SORCS1: variants seen among roughly 807,000 people sequenced by gnomAD.
SORCS1 encodes VPS10 domain-containing receptor SorCS1.
SORCS1 carries 60 observed loss-of-function variants against 146.1 expected under a neutral mutation model. The observed-to-expected ratio is 0.41, with a 90% confidence interval of 0.33 to 0.51. The LOEUF (loss-of-function observed/expected upper bound fraction) is 0.51. Among genes scored for constraint, SORCS1 ranks in the 20% least tolerant of loss-of-function variants. SORCS1 has a pLI of 0.21. For missense variants in SORCS1, 1,352 were observed against 1,487.6 expected (o/e 0.91, Z 1.50); for synonymous variants, 637 against 584.0 (o/e 1.09, Z -1.31).
intron 2 of SORCS1, among the ~76,000 whole-genome samples, chr10:106,915,770 T>A (rs771086665): frequency 3.9e-5 from 6 of 152,208 alleles, no homozygotes; most frequent in Non-Finnish European, 7.3e-5. Flanking sequence ...CTTCCAATAA[T>A]GTATTGCCCC....
Position 106,972,876 on chromosome 10 carries a change from T to C in SORCS1, c.559-16296A>G, listed in dbSNP as rs1317183251. Among the ~76,000 whole-genome samples the C allele has an allele frequency of 2.6e-5, 4 of 152,330 alleles. No individual in the cohort carries two copies. The East Asian group carries it at 7.7e-4, about 29-fold the overall frequency. On this transcript the variant is annotated intron_variant, in intron 1 of 25. Coordinates refer to ENST00000263054, the MANE Select transcript of SORCS1 (RefSeq NM_052918.5). ...GCAATGGGGAGATGTTTTTTGTTGC[T>C]CTCTTACAGAAGATGAAAACTGGCT...
chr10:106,727,037 G>C (rs1375495009), intron 6 of SORCS1, among the ~76,000 whole-genome samples: 4 of 149,970 alleles, frequency 2.7e-5, no homozygotes, highest in Non-Finnish European at 5.9e-5. Context: ...AGTGAGCCGA[G>C]ATAGTGCCAC....
the SORCS1 span, among the ~76,000 whole-genome samples, chr10:107,173,303 T>C: frequency 3.9e-5 from 6 of 152,136 alleles, no homozygotes; most frequent in Non-Finnish European, 8.8e-5. Flanking sequence ...TAGAATCTAA[T>C]ATACAATATG....
chr10:106,711,156 T>A (rs188374219), intron 6 of SORCS1, among the ~76,000 whole-genome samples: 166 of 152,342 alleles, frequency 1.1e-3, no homozygotes, highest in African/African-American at 3.8e-3. Context: ...CTAATACTGT[T>A]CCTGGCACAC....
chr10:106,833,069 A>T (rs1232198078), intron 2 of SORCS1, among the ~76,000 whole-genome samples: 4 of 137,234 alleles, frequency 2.9e-5, no homozygotes. Flanking sequence ...ACAAGATGAC[A>T]ATAGAGTGAC....
At chr10:107,034,695 A>AC (rs1297674507) in intron 1 of SORCS1, among the ~76,000 whole-genome samples, 3 of 145,998 alleles carry the variant, frequency 2.1e-5, no homozygotes, top group African/African-American at 4.9e-5. Flanking sequence ...AAAAAAAAAA[A>AC]AAAAAAAAAA....
intron 1 of SORCS1, among the ~76,000 whole-genome samples, chr10:107,018,449 G>C (rs1564931894): frequency 6.6e-6 from 1 of 151,942 alleles, no homozygotes; most frequent in East Asian, 1.9e-4. Context: ...GCCTCCCAAA[G>C]TGCTAGGATT....
chr10:106,688,398 C>CT, intron 9 of SORCS1, 60 bp from the exon 10 acceptor site: 3 of 1,561,962 alleles, frequency 1.9e-6, no homozygotes, highest in Non-Finnish European at 8.6e-7. Flanking sequence ...TATTTGTTTA[C>CT]TTTTTAAAAA....
At chr10:106,578,404 T>TA (rs1320643655) in intron 25 of SORCS1, 1 of 152,872 alleles carries the variant, frequency 6.5e-6, no homozygotes, top group African/African-American at 2.4e-5. Context: ...AGGGACAGTC[T>TA]AAAAAGAGGA....
At chr10:106,754,765 C>T (rs1589809480) in intron 5 of SORCS1, among the ~76,000 whole-genome samples, 2 of 152,220 alleles carry the variant, frequency 1.3e-5, no homozygotes, top group South Asian at 2.1e-4. Flanking sequence ...ATATAACTCC[C>T]GGAGGGACAT....
intron 2 of SORCS1, among the ~76,000 whole-genome samples, chr10:106,893,859 A>G (rs1589649628): frequency 6.6e-6 from 1 of 152,346 alleles, no homozygotes; most frequent in Admixed American, 6.5e-5. Flanking sequence ...GAGGTTGAAT[A>G]CATCATCAGT....
chr10:107,023,752 T>C (rs902969478), intron 1 of SORCS1, among the ~76,000 whole-genome samples: 3 of 152,044 alleles, frequency 2.0e-5, no homozygotes, highest in Admixed American at 2.0e-4. Flanking sequence ...TTTGAAAAAT[T>C]TCAAATATTT....
intron 5 of SORCS1, among the ~76,000 whole-genome samples, chr10:106,747,432 T>C (rs1857823582): frequency 6.6e-6 from 1 of 152,238 alleles, no homozygotes; most frequent in Non-Finnish European, 1.5e-5. Flanking sequence ...AGATGTCTTC[T>C]AAGTTATCTT....
chr10:106,901,039 C>G (rs768316297), intron 2 of SORCS1, among the ~76,000 whole-genome samples: 2 of 152,174 alleles, frequency 1.3e-5, no homozygotes, highest in Non-Finnish European at 2.9e-5. Context: ...ATATCAGTGG[C>G]TGATGGTGCC....
intron 1 of SORCS1, among the ~76,000 whole-genome samples, chr10:107,128,849 T>A (rs765816451): frequency 3.9e-5 from 6 of 152,222 alleles, no homozygotes; most frequent in Non-Finnish European, 7.3e-5. Flanking sequence ...CAATAAGGTG[T>A]CCTGGGTCTT....
At chr10:107,107,666 G>C (rs72812996) in intron 1 of SORCS1, among the ~76,000 whole-genome samples, 9,531 of 152,230 alleles carry the variant, frequency 0.063, 330 homozygotes, top group Non-Finnish European at 0.078. Flanking sequence ...GGGAACCTTG[G>C]ATTAATTTAG....
At chr10:106,777,405 A>G (rs929122510) in intron 3 of SORCS1, among the ~76,000 whole-genome samples, 48 of 152,206 alleles carry the variant, frequency 3.2e-4, no homozygotes, top group African/African-American at 1.1e-3. Flanking sequence ...AGCTAGACTA[A>G]GGTCCAGTAT....
chr10:106,644,154 AT>A (rs1849255295), intron 18 of SORCS1, among the ~76,000 whole-genome samples: 1 of 152,156 alleles, frequency 6.6e-6, no homozygotes, highest in Non-Finnish European at 1.5e-5. Context: ...GATTTCTGAA[AT>A]GATTTTTAAG....
chr10:106,801,178 AC>A (rs1946850485), intron 3 of SORCS1, among the ~76,000 whole-genome samples: 1 of 152,316 alleles, frequency 6.6e-6, no homozygotes, highest in Admixed American at 6.5e-5. Context: ...TTATATGAAC[AC>A]CTAATTTTCA....
Sources: allele counts gnomAD v4.1 joint callset (sites outside exome capture counted in the v4.1 genomes callset), GRCh38; gene constraint gnomAD v4.1.1; transcripts MANE v1.5; gene names NCBI Gene and HGNC (gene_info 2026-07-23, HGNC 2026-07-21).